BRINP3: variants seen among roughly 807,000 people sequenced by gnomAD.
BRINP3 encodes BMP/retinoic acid-inducible neural-specific protein 3.
A neutral mutation model predicts 71.0 loss-of-function variants in BRINP3; 19 were observed. The observed-to-expected ratio is 0.27, with a 90% CI of 0.19 to 0.39. BRINP3 has a LOEUF of 0.39. Ranked by LOEUF, BRINP3 falls within the 10% of genes least tolerant of loss-of-function variation. The pLI is 1.00. For missense variants in BRINP3, 959 were observed against 940.8 expected (o/e 1.02, Z -0.25); for synonymous variants, 380 against 337.7 (o/e 1.13, Z -1.37).
intron 7 of BRINP3, among the ~76,000 whole-genome samples, chr1:190,125,915 TA>T (rs1654049821): frequency 1.3e-5 from 2 of 152,004 alleles, no homozygotes; most frequent in Admixed American, 1.3e-4. Context: ...ACTGTAGTGA[TA>T]GCTGCAGTAG....
chr1:190,367,643 A>G (rs940357915), intron 2 of BRINP3, among the ~76,000 whole-genome samples: 4 of 152,046 alleles, frequency 2.6e-5, no homozygotes, highest in Admixed American at 1.3e-4. Flanking sequence ...TATGCCTCCT[A>G]TTGAATGCTT....
chr1:190,114,433 A>G (rs115852922), intron 7 of BRINP3, among the ~76,000 whole-genome samples: 4 of 152,208 alleles, frequency 2.6e-5, no homozygotes, highest in African/African-American at 9.6e-5. Flanking sequence ...TATAGTAACT[A>G]TAAAGTCTGT....
intron 7 of BRINP3, among the ~76,000 whole-genome samples, chr1:190,136,202 C>T (rs978387245): frequency 6.6e-6 from 1 of 151,978 alleles, no homozygotes; most frequent in African/African-American, 2.4e-5. Context: ...TAATATATTG[C>T]TATCATTTTT....
intron 2 of BRINP3, among the ~76,000 whole-genome samples, chr1:190,311,202 C>G (rs556424520): frequency 6.6e-6 from 1 of 151,680 alleles, no homozygotes; most frequent in East Asian, 1.9e-4. Flanking sequence ...AAAAGTAGAA[C>G]ATTTATTTTA....
At chr1:190,332,468 A>G (rs976800941) in intron 2 of BRINP3, among the ~76,000 whole-genome samples, 1 of 151,982 alleles carries the variant, frequency 6.6e-6, no homozygotes, top group Non-Finnish European at 1.5e-5. Context: ...ACATGTATGG[A>G]TTTCAAATAC....
chr1:190,443,648 A>G (rs1023596348), intron 2 of BRINP3, among the ~76,000 whole-genome samples: 2 of 152,142 alleles, frequency 1.3e-5, no homozygotes, highest in African/African-American at 4.8e-5. Context: ...TTGTAAAAGT[A>G]TCACAGGACC....
intron 7 of BRINP3, among the ~76,000 whole-genome samples, chr1:190,159,432 A>G (rs1657152720): frequency 6.6e-6 from 1 of 152,146 alleles, no homozygotes; most frequent in Non-Finnish European, 1.5e-5. Context: ...TTATAGAAGC[A>G]TTATTCATAA....
chr1:190,363,513 G>A (rs1215954490), intron 2 of BRINP3, among the ~76,000 whole-genome samples: 25 of 152,064 alleles, frequency 1.6e-4, no homozygotes, highest in Admixed American at 6.6e-5. Context: ...TTCATGAATC[G>A]TCTGATTTTT....
intron 6 of BRINP3, among the ~76,000 whole-genome samples, chr1:190,175,339 A>T (rs1652411243): frequency 6.6e-6 from 1 of 152,172 alleles, no homozygotes; most frequent in Non-Finnish European, 1.5e-5. Flanking sequence ...TATAATAGCG[A>T]TTTACCAAAA....
chr1:190,260,812 A>C (rs1283607235), intron 4 of BRINP3, among the ~76,000 whole-genome samples: 1 of 152,068 alleles, frequency 6.6e-6, no homozygotes, highest in Non-Finnish European at 1.5e-5. Flanking sequence ...ACTCATTTCA[A>C]GATGGATTTT....
chr1:190,141,846 C>A lies in BRINP3; in HGVS notation c.1184+18822G>T, dbSNP rs1173113038. Reference sequence around the variant, plus strand: ...GTGTTGGGATCACAGGTGTGAGCCACCACGCCTAGCCTTAATCCTCATTAT... The same window carrying A: ...GTGTTGGGATCACAGGTGTGAGCCAACACGCCTAGCCTTAATCCTCATTAT... On this transcript the variant is annotated intron_variant, in intron 7 of 7. Transcript: ENST00000367462. Among the ~76,000 whole-genome samples, 3 of 151,884 alleles carry A rather than the reference C, an allele frequency of 2.0e-5. No individual in the cohort carries two copies. In the South Asian group the frequency reaches 6.2e-4, roughly 32 times the overall value.
At chr1:190,448,460 G>GGGGT (rs531555875) in intron 2 of BRINP3, among the ~76,000 whole-genome samples, 76 of 65,580 alleles carry the variant, frequency 1.2e-3, no homozygotes, top group African/African-American at 3.4e-3. Flanking sequence ...CTACACTTGG[G>GGGGT]GTTTGTGTGT....
rs146889661 is a variant in BRINP3, at chr1:190,127,847, T to G, written c.1185-28713A>C. On this transcript the variant is annotated intron_variant, in intron 7 of 7. Coordinates refer to ENST00000367462, the MANE Select transcript of BRINP3 (RefSeq NM_199051.3). ...CTGGGAGAGTGAGTGAATGATGAACTTTTTTCATGTTACATCGCTGAAAAC... is the reference window on the plus strand; with the variant it reads ...CTGGGAGAGTGAGTGAATGATGAACGTTTTTCATGTTACATCGCTGAAAAC... Among the ~76,000 whole-genome samples the G allele has an allele frequency of 9.2e-5, 14 of 151,908 alleles. No homozygotes were observed. In the East Asian group the frequency reaches 2.5e-3, roughly 27 times the overall value.
intron 2 of BRINP3, among the ~76,000 whole-genome samples, chr1:190,282,912 C>T (rs906464764): frequency 4.6e-5 from 7 of 151,910 alleles, no homozygotes; most frequent in African/African-American, 1.7e-4. Flanking sequence ...GGTAACTCTG[C>T]CGAGACAACA....
chr1:190,179,888 T>C (rs1652877457), intron 6 of BRINP3, among the ~76,000 whole-genome samples: 2 of 152,166 alleles, frequency 1.3e-5, no homozygotes, highest in Admixed American at 1.3e-4. Context: ...CCATCTGACC[T>C]TAAAGATAGT....
intron 1 of BRINP3, among the ~76,000 whole-genome samples, chr1:190,474,087 C>T (rs1266304131): frequency 6.6e-6 from 1 of 152,140 alleles, no homozygotes; most frequent in Non-Finnish European, 1.5e-5. Context: ...CTGCAACTGC[C>T]ATCTTCCATG....
At chr1:190,221,423 T>G (rs1465332519) in intron 6 of BRINP3, among the ~76,000 whole-genome samples, 2 of 152,078 alleles carry the variant, frequency 1.3e-5, no homozygotes, top group African/African-American at 4.8e-5. Context: ...TTGAGATAAA[T>G]TCATGGAAAA....
chr1:190,278,146 T>C (rs1002966994), intron 3 of BRINP3, among the ~76,000 whole-genome samples: 4 of 151,746 alleles, frequency 2.6e-5, no homozygotes, highest in African/African-American at 9.7e-5. Flanking sequence ...TTTTTATGAC[T>C]GTAAAACTGA....
At chr1:190,148,335 G>T (rs1656076716) in intron 7 of BRINP3, among the ~76,000 whole-genome samples, 1 of 151,774 alleles carries the variant, frequency 6.6e-6, no homozygotes, top group Admixed American at 6.6e-5. Context: ...AGTGGCTCAC[G>T]CGTCATCCCA....
Sources: gnomAD v4.1 joint callset for allele counts (sites outside exome capture counted in the v4.1 genomes callset) on GRCh38, gnomAD v4.1.1 for gene constraint, MANE v1.5 for transcripts, NCBI Gene and HGNC (gene_info 2026-07-23, HGNC 2026-07-21) for gene names.